Variants in OBI1 observed in about 807,000 individuals in gnomAD.
OBI1 encodes the protein ring finger protein 219.
OBI1 carries 59 observed loss-of-function variants against 62.4 expected under a neutral mutation model. That is an observed-to-expected ratio of 0.95 (90% CI 0.77 to 1.17). OBI1 has a LOEUF of 1.17. Ranked by LOEUF, OBI1 falls within the 50% of genes most tolerant of loss-of-function variation. OBI1 has a pLI of 0.00. For missense variants in OBI1, 875 were observed against 830.9 expected (o/e 1.05, Z -0.65); for synonymous variants, 302 against 292.8 (o/e 1.03, Z -0.32).
intron 3 of OBI1, among the ~76,000 whole-genome samples, chr13:78,641,093 A>C (rs900686277): frequency 1.1e-4 from 17 of 152,126 alleles, no homozygotes; most frequent in East Asian, 3.8e-4. Flanking sequence ...TAAATATGTC[A>C]CCTTAAATTG....
chr13:78,655,899 G>A (rs1414591344), intron 1 of OBI1, among the ~76,000 whole-genome samples: 1 of 152,200 alleles, frequency 6.6e-6, no homozygotes, highest in Non-Finnish European at 1.5e-5. Flanking sequence ...AGTATAATAC[G>A]TGTAGGAGGG....
intron 4 of OBI1, among the ~76,000 whole-genome samples, chr13:78,637,251 C>A (rs772918987): frequency 6.6e-6 from 1 of 152,142 alleles, no homozygotes; most frequent in African/African-American, 2.4e-5. Flanking sequence ...TTACTCCACA[C>A]TTTAGTTTTT....
In OBI1 at chr13:78,620,027, A is replaced by G. The variant is rs79163250; in HGVS notation, c.639-2905T>C. ...AAGCAACAGAGACTGACATATGTACAGTACAGCCTTTTTTGCTACAGGCTT... is the reference window on the plus strand; with the variant it reads ...AAGCAACAGAGACTGACATATGTACGGTACAGCCTTTTTTGCTACAGGCTT... On this transcript the variant is annotated intron_variant, in intron 5 of 5. Coordinates refer to ENST00000282003, the MANE Select transcript of OBI1 (RefSeq NM_024546.4). Among the ~76,000 whole-genome samples the G allele has an allele frequency of 3.0e-3, 464 of 152,340 alleles. 3 individuals are homozygous for G. Among genetic ancestry groups the G allele is most frequent in the African/African-American group, 0.011 (447 of 41,594 alleles).
intron 3 of OBI1, among the ~76,000 whole-genome samples, chr13:78,641,290 T>A (rs909570714): frequency 6.6e-6 from 1 of 152,204 alleles, no homozygotes. Flanking sequence ...TTAAATAGCA[T>A]TTTCATAAAA....
intron 5 of OBI1, among the ~76,000 whole-genome samples, chr13:78,623,826 A>G (rs941654844): frequency 1.3e-5 from 2 of 152,226 alleles, no homozygotes; most frequent in African/African-American, 4.8e-5. Flanking sequence ...TTCAGTAAAC[A>G]TTTATCAAAC....
In OBI1 at chr13:78,657,615, T is replaced by C. The variant is rs550874618; in HGVS notation, c.72+1434A>G. ...TCACTCTCGTTAAATACAAAAAGTA[T>C]AGGTTTGGTAAATCAAACAGAACAC... On this transcript the variant is annotated intron_variant, in intron 1 of 5. Transcript: ENST00000282003. Among the ~76,000 whole-genome samples the C allele has an allele frequency of 2.0e-4, 31 of 152,272 alleles. No homozygotes were observed. The South Asian group carries it at 5.6e-3, about 28-fold the overall frequency.
rs965799729 is a variant in OBI1, at chr13:78,615,205, C to G, written c.*375G>C. The G allele has an allele frequency of 6.2e-6, 1 of 160,202 alleles. No homozygotes were observed. The highest frequency in any genetic ancestry group is 2.4e-5 in the African/African-American group (1 of 41,552). 9.9% of individuals were successfully genotyped at this position (160,202 alleles called of 1,614,324 possible). On this transcript the variant is annotated 3_prime_UTR_variant, in exon 6 of 6. Coordinates refer to ENST00000282003, the MANE Select transcript of OBI1 (RefSeq NM_024546.4). ...TCTGAAGACAAGTGGGGCTTATCAA[C>G]AGGCCACTGTATCTAACAGTTAAAT...
chr13:78,644,749 A>ATGT, intron 2 of OBI1, 113 bp downstream of exon 2: 2 of 1,139,970 alleles, frequency 1.8e-6, no homozygotes, highest in South Asian at 2.6e-5. Flanking sequence ...ACTCAGTATT[A>ATGT]TGTTGGCCAA....
chr13:78,645,580 G>A (rs1474041003), intron 1 of OBI1, among the ~76,000 whole-genome samples: 1 of 152,188 alleles, frequency 6.6e-6, no homozygotes, highest in Non-Finnish European at 1.5e-5. Context: ...CAGAATTACT[G>A]AGATACACCA....
At chr13:78,621,535 CAG>C (rs1875513352) in intron 5 of OBI1, among the ~76,000 whole-genome samples, 1 of 152,124 alleles carries the variant, frequency 6.6e-6, no homozygotes, top group Non-Finnish European at 1.5e-5. Context: ...AATAAAACGA[CAG>C]AACTGGTCAA....
intron 5 of OBI1, among the ~76,000 whole-genome samples, chr13:78,626,827 G>A (rs1875682325): frequency 2.0e-5 from 3 of 152,202 alleles, no homozygotes; most frequent in Non-Finnish European, 4.4e-5. Context: ...CAGACTTTGG[G>A]AGGCCAAGGC....
chr13:78,641,846 A>G (rs1035273326), intron 3 of OBI1, among the ~76,000 whole-genome samples: 17 of 152,026 alleles, frequency 1.1e-4, no homozygotes, highest in Admixed American at 2.0e-4. Context: ...AAAAAAAAAA[A>G]AAAGAAAGAA....
chr13:78,637,585 G>C (rs1162401806), intron 4 of OBI1, among the ~76,000 whole-genome samples: 1 of 152,170 alleles, frequency 6.6e-6, no homozygotes, highest in Non-Finnish European at 1.5e-5. Context: ...GGCTCAAGAA[G>C]AACCAGGGAA....
intron 2 of OBI1, among the ~76,000 whole-genome samples, chr13:78,644,226 A>G (rs769578919): frequency 9.2e-5 from 14 of 152,318 alleles, no homozygotes; most frequent in Non-Finnish European, 1.8e-4. Context: ...ATTTTGGATC[A>G]TACCACTCCC....
intron 3 of OBI1, among the ~76,000 whole-genome samples, chr13:78,640,277 C>T (rs1876173844): frequency 6.6e-6 from 1 of 151,940 alleles, no homozygotes; most frequent in Non-Finnish European, 1.5e-5. Flanking sequence ...TACCAAAATC[C>T]ATGGATGTTC....
intron 5 of OBI1, among the ~76,000 whole-genome samples, chr13:78,620,098 C>T (rs1378335905): frequency 6.6e-6 from 1 of 152,134 alleles, no homozygotes; most frequent in Non-Finnish European, 1.5e-5. Flanking sequence ...CTTAGTAAGA[C>T]TGCAAATAGA....
intron 5 of OBI1, among the ~76,000 whole-genome samples, chr13:78,625,560 T>C (rs1875641194): frequency 6.6e-6 from 1 of 152,234 alleles, no homozygotes. Flanking sequence ...ATAATCTCTC[T>C]GACAACCTTA....
chr13:78,656,781 T>C (rs1201378395), intron 1 of OBI1, among the ~76,000 whole-genome samples: 1 of 142,984 alleles, frequency 7.0e-6, no homozygotes, highest in Non-Finnish European at 1.5e-5. Flanking sequence ...ATTAATTTTC[T>C]TTTATTTTTA....
chr13:78,627,309 TAA>T lies in OBI1; in HGVS notation c.638+7799_638+7800del, dbSNP rs60775623. 3.5e-3 allele frequency among the ~76,000 whole-genome samples: 417 copies of T among 117,834 alleles called. 2 individuals are homozygous for T. In the South Asian group the frequency reaches 0.04, roughly 11 times the overall value. The allele number at this position is 117,834 out of a possible 152,430, so 77.3% of individuals were successfully genotyped here. A position where few individuals can be genotyped will look rare whatever the true frequency, so the allele number is the denominator to read the frequency against. ...CCACCTCTACCTGTTTTATTTATTCTAAAAAAAAAAAAAAAAAAAAGGATACA... is the reference window on the plus strand; with the variant it reads ...CCACCTCTACCTGTTTTATTTATTCTAAAAAAAAAAAAAAAAAAGGATACA... On this transcript the variant is annotated intron_variant, in intron 5 of 5. Coordinates refer to ENST00000282003, the MANE Select transcript of OBI1 (RefSeq NM_024546.4).
Sources: gnomAD v4.1 joint callset for allele counts (sites outside exome capture counted in the v4.1 genomes callset) on GRCh38, gnomAD v4.1.1 for gene constraint, MANE v1.5 for transcripts, NCBI Gene and HGNC (gene_info 2026-07-23, HGNC 2026-07-21) for gene names.